Variants in KRTAP4-9 observed in about 807,000 individuals in gnomAD.
The protein encoded by KRTAP4-9 is keratin-associated protein 4-9.
In KRTAP4-9, 4 loss-of-function variants were observed where a neutral mutation model predicts 4.3. The observed-to-expected ratio is 0.94, with a 90% CI of 0.46 to 2.15. The LOEUF (loss-of-function observed/expected upper bound fraction) is 2.15, where lower values mean the gene tolerates loss of function less well. Among genes scored for constraint, KRTAP4-9 ranks in the 30% most tolerant of loss-of-function variants. KRTAP4-9 has a pLI of 0.02. For synonymous variants in KRTAP4-9, 111 were observed against 99.2 expected (o/e 1.12, Z -0.70); for missense variants, 297 against 278.5 (o/e 1.07, Z -0.47).
At chr17:41,106,318 G>C (rs1172633215) in exon 1 of KRTAP4-9, 2 of 560,798 alleles carry the variant, frequency 3.6e-6, no homozygotes, top group Non-Finnish European at 6.2e-6. Flanking sequence ...TTATCACTTT[G>C]AGGTACAGAT....
At chr17:41,105,657 G>A (rs762769220) in exon 1 of KRTAP4-9, 3 of 1,577,874 alleles carry the variant, frequency 1.9e-6, no homozygotes, top group East Asian at 2.3e-5. Flanking sequence ...TCCAGCTGCT[G>A]CAGGCCCCAG....
exon 1 of KRTAP4-9, chr17:41,105,767 C>T: frequency 1.2e-6 from 2 of 1,602,860 alleles, no homozygotes; most frequent in Non-Finnish European, 1.7e-6. Flanking sequence ...CTGCTGTCGC[C>T]CCAGCTGCTG....
rs747579731 is a variant in KRTAP4-9 at position 41,105,680 on chromosome 17, G to C, written c.292G>C (p.Ala98Pro). 7.7e-6 allele frequency: 12 copies of C among 1,564,238 alleles called. 1 individual carries two copies. In the African/African-American group the frequency reaches 1.4e-4, roughly 19 times the overall value. ...CTGCAGGCCCCAGTGCTGCCAGCCT[G>C]CGTGCTGCCAACCCACTTGCTGTCG... Residue 98 changes from alanine to proline, a missense_variant, in exon 1 of 1, where the codon GCG (alanine) becomes CCG (proline). Ala to Pro is a conservative substitution (Grantham distance 27). Transcript: ENST00000391415.
At chr17:41,105,457 C>T (rs1007211380) in exon 1 of KRTAP4-9, 31 of 1,610,900 alleles carry the variant, frequency 1.9e-5, no homozygotes, top group Non-Finnish European at 2.6e-5. Context: ...GTCAGGAGAC[C>T]TGCTGCCGCC....
exon 1 of KRTAP4-9, chr17:41,105,872 C>T (rs1445761596): frequency 4.6e-6 from 7 of 1,531,844 alleles, no homozygotes; most frequent in Non-Finnish European, 6.0e-6. Context: ...CTGCTGCCGC[C>T]CCTCTTGCTG....
chr17:41,106,349 C>T, exon 1 of KRTAP4-9: 1 of 444,292 alleles, frequency 2.3e-6, no homozygotes, highest in Non-Finnish European at 4.0e-6. Flanking sequence ...GTGAGGCAGA[C>T]ATTATCTGCA....
chr17:41,105,826 GCCCAACTGCTGCCGC>G (rs923711816), exon 1 of KRTAP4-9: 1 of 1,610,558 alleles, frequency 6.2e-7, no homozygotes, highest in African/African-American at 1.4e-5. Flanking sequence ...TGTGCTGCCA[GCCCAACTGCTGCCGC>G]CCCAGCTGCA....
At chr17:41,106,209 C>A in exon 1 of KRTAP4-9, 1 of 1,100,308 alleles carries the variant, frequency 9.1e-7, no homozygotes, top group Non-Finnish European at 1.3e-6. Context: ...TAAACTCCCT[C>A]CCTTGCTTTC....
At position 41,106,275 on chromosome 17, in the gene KRTAP4-9, A is replaced by G. The variant is rs189726641; in HGVS notation, c.*254A>G. 2.1e-4 allele frequency: 135 copies of G among 648,394 alleles called. 1 individual carries two copies. The East Asian group carries it at 3.8e-3, about 18-fold the overall frequency. 40.2% of individuals were successfully genotyped at this position (648,394 alleles called of 1,614,324 possible). The stretch of plus-strand genomic sequence containing the variant: ...ATTAATTTGTAATCCACTAGCTAGA[A>G]ATTATTCCAATCCTCTAATTTCCTC... On this transcript the variant is annotated 3_prime_UTR_variant, in exon 1 of 1. Coordinates refer to ENST00000391415, the Ensembl canonical transcript of KRTAP4-9.
chr17:41,105,956 T>C (rs1334708479), exon 1 of KRTAP4-9: 10 of 1,604,516 alleles, frequency 6.2e-6, no homozygotes, highest in East Asian at 4.5e-5. Flanking sequence ...CACCACTTGC[T>C]ATCGCCCAAC....
At chr17:41,106,247 T>A in exon 1 of KRTAP4-9, 1 of 764,522 alleles carries the variant, frequency 1.3e-6, no homozygotes, top group Non-Finnish European at 2.0e-6. Flanking sequence ...GCACCAAATG[T>A]GAATTAATTT....
At chr17:41,105,804 G>T in exon 1 of KRTAP4-9, 1 of 1,612,178 alleles carries the variant, frequency 6.2e-7, no homozygotes, top group South Asian at 1.1e-5. Context: ...AAGCCCCAGT[G>T]CTGCCAGTCT....
In KRTAP4-9 at chr17:41,105,565, C is replaced by A. The variant is rs1172957430; in HGVS notation, c.177C>A (p.Cys59Ter). Reference sequence around the variant, plus strand: ...GGCCCCAGTGCTGCCAGTCTGTGTGCTGCCAACCCACTTGTTCCCGCCCCA... The same window carrying A: ...GGCCCCAGTGCTGCCAGTCTGTGTGATGCCAACCCACTTGTTCCCGCCCCA... The change falls in exon 1 of 1, where the codon TGC (cysteine) becomes TGA (stop). Residue 59 changes from cysteine (C) to a stop codon, truncating the protein, a stop_gained. Transcript: ENST00000391415. LOFTEE classifies it low-confidence loss of function (END_TRUNC). 1.3e-6 allele frequency: 2 copies of A among 1,570,478 alleles called. No homozygotes were observed. The highest frequency in any genetic ancestry group is 3.0e-5 in the African/African-American group (2 of 67,040).
At chr17:41,106,263 C>G in exon 1 of KRTAP4-9, 1 of 689,544 alleles carries the variant, frequency 1.5e-6, no homozygotes, top group Non-Finnish European at 2.4e-6. Flanking sequence ...AATTTGTAAT[C>G]CACTAGCTAG....
At position 41,106,442 on chromosome 17, in the gene KRTAP4-9, T is replaced by A. The variant is rs143628747; in HGVS notation, c.*421T>A. 6.3e-3 allele frequency: 1,351 copies of A among 215,576 alleles called. 37 individuals are homozygous for A. Among genetic ancestry groups the A allele is most frequent in the African/African-American group, 0.03 (1,281 of 42,856 alleles). The allele number at this position is 215,576 out of a possible 1,614,324, so 13.4% of individuals were successfully genotyped here. On this transcript the variant is annotated 3_prime_UTR_variant, in exon 1 of 1. Coordinates refer to ENST00000391415, the Ensembl canonical transcript of KRTAP4-9. ...TGTTTCTCCTAGTGTGAATTTCTTA[T>A]GCTTTGTTGCATCTCTGCTTTTTAA...
exon 1 of KRTAP4-9, chr17:41,105,697 T>C (rs7212474): frequency 0.69 from 1,107,212 of 1,606,990 alleles, 385,834 homozygotes; most frequent in African/African-American, 0.91. Flanking sequence ...GCCAACCCAC[T>C]TGCTGTCGCC....
chr17:41,105,451 G>A (rs1288469766), exon 1 of KRTAP4-9: 1 of 1,613,638 alleles, frequency 6.2e-7, no homozygotes, highest in Non-Finnish European at 8.5e-7. Context: ...ACCTCTGTCA[G>A]GAGACCTGCT....
exon 1 of KRTAP4-9, chr17:41,106,185 A>G: frequency 8.0e-7 from 1 of 1,248,524 alleles, no homozygotes; most frequent in Non-Finnish European, 1.1e-6. Flanking sequence ...CTTTGAGAAC[A>G]TTCTGATTCA....
At position 41,106,318 on chromosome 17, in the gene KRTAP4-9, G is replaced by A. The variant is rs1172633215; in HGVS notation, c.*297G>A. On this transcript the variant is annotated 3_prime_UTR_variant, in exon 1 of 1. Coordinates refer to ENST00000391415, the Ensembl canonical transcript of KRTAP4-9. Reference sequence around the variant, plus strand: ...ATTTCCTCATTTTCTTTATCACTTTGAGGTACAGATCTTCTTCTCAGTGAG... The same window carrying A: ...ATTTCCTCATTTTCTTTATCACTTTAAGGTACAGATCTTCTTCTCAGTGAG... 9 of 560,798 alleles carry A rather than the reference G, an allele frequency of 1.6e-5. 1 individual carries two copies. Among genetic ancestry groups the A allele is most frequent in the African/African-American group, 1.1e-4 (6 of 52,468 alleles). The allele number at this position is 560,798 out of a possible 1,614,324, so 34.7% of individuals were successfully genotyped here. A position where few individuals can be genotyped will look rare whatever the true frequency, so the allele number is the denominator to read the frequency against.
Sources: gnomAD v4.1 joint callset for allele counts on GRCh38, gnomAD v4.1.1 for gene constraint, MANE v1.5 for transcripts, NCBI Gene and HGNC (gene_info 2026-07-23, HGNC 2026-07-21) for gene names.